The following ARHGAP17 variants were observed in gnomAD, a reference collection of about 807,000 sequenced individuals.
ARHGAP17 encodes rho GTPase-activating protein 17.
Under a neutral mutation model 99.5 loss-of-function variants are expected in ARHGAP17, and 57 were observed. The ratio of observed to expected loss-of-function variants is 0.57; its 90% CI spans 0.46 to 0.71. The LOEUF (loss-of-function observed/expected upper bound fraction) is 0.71, where lower values mean the gene tolerates loss of function less well. ARHGAP17 is among the 30% of genes least tolerant of loss of function. The pLI is 0.00. For missense variants in ARHGAP17, 1,000 were observed against 1,122.4 expected (o/e 0.89, Z 1.56); for synonymous variants, 417 against 429.6 (o/e 0.97, Z 0.36).
At chr16:24,964,935 C>T (rs1214125021) in intron 6 of ARHGAP17, among the ~76,000 whole-genome samples, 2 of 151,594 alleles carry the variant, frequency 1.3e-5, no homozygotes, top group African/African-American at 2.4e-5. Context: ...CAACAAGACT[C>T]CATGTCTACA....
At chr16:24,980,739 T>C (rs962270125) in intron 1 of ARHGAP17, among the ~76,000 whole-genome samples, 4 of 152,030 alleles carry the variant, frequency 2.6e-5, no homozygotes, top group Non-Finnish European at 5.9e-5. Context: ...ACGCCCCCAT[T>C]CCTCTCGCCA....
chr16:24,922,296 T>C (rs1415447135), intron 19 of ARHGAP17, among the ~76,000 whole-genome samples: 2 of 152,192 alleles, frequency 1.3e-5, no homozygotes, highest in East Asian at 1.9e-4. Flanking sequence ...TGTATACGGA[T>C]GAGATTTCTA....
At chr16:24,968,870 A>G (rs1049531199) in intron 4 of ARHGAP17, 98 bp from the exon 5 acceptor site, 3 of 1,051,424 alleles carry the variant, frequency 2.9e-6, no homozygotes, top group Admixed American at 3.9e-5. Flanking sequence ...ACAGGAACGC[A>G]TTAGGGTGCT....
At chr16:24,921,217 G>A (rs879736149) in intron 19 of ARHGAP17, among the ~76,000 whole-genome samples, 14 of 152,200 alleles carry the variant, frequency 9.2e-5, no homozygotes, top group Admixed American at 3.3e-4. Context: ...GCAGACCAAG[G>A]GGATCCTAAT....
rs746756878 is a variant in ARHGAP17, at chr16:24,939,326, G to A, written c.1724+38C>T. The A allele has an allele frequency of 1.1e-4, 162 of 1,533,736 alleles. 2 individuals are homozygous for A. Among genetic ancestry groups the A allele is most frequent in the Middle Eastern group, 4.8e-4 (2 of 4,192 alleles). On this transcript the variant is annotated intron_variant, in intron 17 of 19. Transcript: ENST00000289968. ...CCACCACCTGCAAGAAGGCTGGGGC[G>A]TCCAGCCTCCACTGCCAGCAGAAGT... is the stretch of plus-strand genomic sequence containing the variant.
intron 1 of ARHGAP17, among the ~76,000 whole-genome samples, chr16:24,989,097 T>G (rs1294255833): frequency 6.6e-6 from 1 of 152,152 alleles, no homozygotes; most frequent in Non-Finnish European, 1.5e-5. Flanking sequence ...TAGGAGGAGC[T>G]GAAAAGCCAC....
At position 24,970,521 on chromosome 16, in the gene ARHGAP17, T is replaced by C; in HGVS notation, c.258A>G (p.Glu86=). ...GCAACTCTTACCCCAGGAGAGAGTC[T>C]TCCAGCTGAGTCGATGCTTCTTGCA... ...QNMQEASTQL[E]DSLLGKMLET... is the part of the protein sequence containing the mutation. The change falls in exon 4 of 20, where the codon GAA becomes GAG. Residue 86 remains glutamate (E), a synonymous_variant. Transcript: ENST00000289968. 6.2e-7 allele frequency: 1 copy of C among 1,614,160 alleles called. No individual in the cohort carries two copies.
intron 1 of ARHGAP17, among the ~76,000 whole-genome samples, chr16:25,006,285 TA>T (rs144748526): frequency 4.8e-3 from 665 of 138,764 alleles, no homozygotes; most frequent in Middle Eastern, 7.5e-3. Context: ...TACTAAAAAT[TA>T]AAAAAAAAAA....
rs78111389 is a variant in ARHGAP17 at position 24,989,833 on chromosome 16, G to A, written c.54-10828C>T. 3.5e-3 allele frequency among the ~76,000 whole-genome samples: 536 copies of A among 152,288 alleles called. 1 individual carries two copies. The highest frequency in any genetic ancestry group is 0.013 in the African/African-American group (521 of 41,552). On this transcript the variant is annotated intron_variant, in intron 1 of 19. Coordinates refer to ENST00000289968, the MANE Select transcript of ARHGAP17 (RefSeq NM_001006634.3). Reference sequence around the variant, plus strand: ...AATAACGTCATAAAAGTAGAGAGTAGAATTGTGGTTATTAGAGGCTGGGAA... The same window carrying A: ...AATAACGTCATAAAAGTAGAGAGTAAAATTGTGGTTATTAGAGGCTGGGAA...
intron 1 of ARHGAP17, among the ~76,000 whole-genome samples, chr16:24,982,983 T>TACACAC (rs2052730022): frequency 6.7e-5 from 1 of 15,004 alleles, no homozygotes; most frequent in African/African-American, 2.0e-4. Context: ...TATATATATA[T>TACACAC]ATATATATAT....
chr16:24,920,438 A>G (rs2050691431), intron 19 of ARHGAP17, 178 bp from the exon 20 acceptor site: 4 of 669,608 alleles, frequency 6.0e-6, no homozygotes, highest in Non-Finnish European at 9.8e-6. Context: ...GTGACCCCAG[A>G]GGGCAGCTGA....
At chr16:24,928,896 T>A (rs748258227) in intron 19 of ARHGAP17, among the ~76,000 whole-genome samples, 4 of 152,192 alleles carry the variant, frequency 2.6e-5, no homozygotes, top group Non-Finnish European at 4.4e-5. Context: ...TGTAGGGTAT[T>A]TGGCGGAAGA....
chr16:25,002,620 C>T (rs79959692), intron 1 of ARHGAP17, among the ~76,000 whole-genome samples: 1 of 152,152 alleles, frequency 6.6e-6, no homozygotes, highest in African/African-American at 2.4e-5. Context: ...ATCAACATCG[C>T]CTGGCTCTCA....
chr16:24,962,925 A>G (rs767444886), intron 7 of ARHGAP17, among the ~76,000 whole-genome samples: 3 of 152,240 alleles, frequency 2.0e-5, no homozygotes, highest in Non-Finnish European at 2.9e-5. Context: ...GAAACAGAAC[A>G]TAGATCTGAG....
Position 24,931,147 on chromosome 16 carries a change from G to T in ARHGAP17, c.2152C>A (p.Pro718Thr). Residue 718 changes from proline to threonine, a missense_variant, in exon 19 of 20, where the codon CCC becomes ACC. By Grantham distance (38) the Pro-to-Thr change is conservative. Transcript: ENST00000289968. ...ATCAGTGGCGTGGCCTGCGTAGGGG[G>T]CTGCGGCGGTGGGTGATTGGGAGCT... ...IQAPNHPPPQ[P>T]PTQATPLMHT... 1 of 1,602,764 alleles carries T rather than the reference G, an allele frequency of 6.2e-7. No homozygotes were observed. Among genetic ancestry groups the T allele is most frequent in the Non-Finnish European group, 8.5e-7 (1 of 1,174,836 alleles).
rs752429851 is a variant in ARHGAP17, at chr16:24,920,088, T to A, written c.*42A>T. The A allele has an allele frequency of 6.2e-7, 1 of 1,603,630 alleles. No individual in the cohort carries two copies. Among genetic ancestry groups the A allele is most frequent in the Non-Finnish European group, 8.5e-7 (1 of 1,172,780 alleles). On this transcript the variant is annotated 3_prime_UTR_variant, in exon 20 of 20. Coordinates refer to ENST00000289968, the MANE Select transcript of ARHGAP17 (RefSeq NM_001006634.3). ...AGAGGTTCGCCTGCCCCTGCTCCAC[T>A]CGCCAGGGTGGAAGTGGTGGAGGGC... is the stretch of plus-strand genomic sequence containing the variant.
intron 1 of ARHGAP17, 70 bp downstream of exon 1, chr16:25,015,139 T>TTGGGG: frequency 1.7e-6 from 2 of 1,195,760 alleles, no homozygotes; most frequent in African/African-American, 1.7e-5. Flanking sequence ...GGAGGAGCCG[T>TTGGGG]CCCGCCCCCG....
At chr16:24,928,850 G>A (rs2050908323) in intron 19 of ARHGAP17, among the ~76,000 whole-genome samples, 1 of 152,230 alleles carries the variant, frequency 6.6e-6, no homozygotes, top group South Asian at 2.1e-4. Context: ...CAAAACGTAA[G>A]CATGCTAGGA....
At chr16:25,006,041 TAA>T (rs2053496040) in intron 1 of ARHGAP17, among the ~76,000 whole-genome samples, 1 of 152,094 alleles carries the variant, frequency 6.6e-6, no homozygotes, top group South Asian at 2.1e-4. Context: ...CTATAATCAT[TAA>T]AATGGTGACC....
Sources: allele counts gnomAD v4.1 joint callset (sites outside exome capture counted in the v4.1 genomes callset), GRCh38; gene constraint gnomAD v4.1.1; transcripts MANE v1.5; gene names NCBI Gene and HGNC (gene_info 2026-07-23, HGNC 2026-07-21).